The following RDH10 variants were observed in gnomAD, a reference collection of about 807,000 sequenced individuals.
RDH10 encodes the protein retinol dehydrogenase 10 (all-trans).
Under a neutral mutation model 30.2 loss-of-function variants are expected in RDH10, and 12 were observed. The observed-to-expected ratio is 0.40, with a 90% CI of 0.25 to 0.64. The LOEUF (loss-of-function observed/expected upper bound fraction) is 0.64. Ranked by LOEUF, RDH10 falls within the 30% of genes least tolerant of loss-of-function variation. The pLI is 0.43. For missense variants in RDH10, 268 were observed against 445.2 expected (o/e 0.60, Z 3.58); for synonymous variants, 189 against 172.2 (o/e 1.10, Z -0.76).
chr8:73,297,141 T>A, intron 1 of RDH10, 53 bp from the exon 2 acceptor site: 1 of 1,041,064 alleles, frequency 9.6e-7, no homozygotes, highest in Non-Finnish European at 1.5e-6. Context: ...ACTCACTTTC[T>A]GCACTTCCTT....
intron 5 of RDH10, 48 bp downstream of exon 5, chr8:73,322,858 C>A (rs1181233051): frequency 3.1e-6 from 5 of 1,613,790 alleles, no homozygotes; most frequent in South Asian, 1.1e-5. Context: ...CATGCCTGCC[C>A]GATGTCTTAA....
In RDH10 at chr8:73,294,753, C is replaced by G. The variant is rs1814220403; in HGVS notation, c.-537C>G. 3 of 364,886 alleles carry G rather than the reference C, an allele frequency of 8.2e-6. No individual in the cohort carries two copies. Among genetic ancestry groups the G allele is most frequent in the Admixed American group, 4.6e-5 (1 of 21,592 alleles). 22.6% of individuals were successfully genotyped at this position (364,886 alleles called of 1,614,324 possible). On this transcript the variant is annotated 5_prime_UTR_variant, in exon 1 of 6. Coordinates refer to ENST00000240285, the MANE Select transcript of RDH10 (RefSeq NM_172037.5). Reference sequence around the variant, plus strand: ...CAGCGCTTGCCTGCGCCGAGCGAGTCTCCCCTTCCCGGCGCTCCGCCGCCC... The same window carrying G: ...CAGCGCTTGCCTGCGCCGAGCGAGTGTCCCCTTCCCGGCGCTCCGCCGCCC...
chr8:73,320,451 G>T (rs1367490357), intron 3 of RDH10, among the ~76,000 whole-genome samples: 17 of 122,908 alleles, frequency 1.4e-4, no homozygotes, highest in African/African-American at 2.9e-4. Flanking sequence ...TTTTTTTTTT[G>T]TTTTTGTTTT....
chr8:73,304,439 C>T lies in RDH10; in HGVS notation c.525+7010C>T, dbSNP rs527953404. On this transcript the variant is annotated intron_variant, in intron 2 of 5. Coordinates refer to ENST00000240285, the MANE Select transcript of RDH10 (RefSeq NM_172037.5). The stretch of plus-strand genomic sequence containing the variant: ...GCCTCTGATCTTCTTTTCCTGTATT[C>T]GCTTTTGGCTTTCCAACCTAGGGTC... Among the ~76,000 whole-genome samples the T allele has an allele frequency of 2.4e-4, 36 of 152,256 alleles. No homozygotes were observed. In the South Asian group the frequency reaches 6.4e-3, roughly 27 times the overall value.
At chr8:73,305,918 T>C (rs940796280) in intron 2 of RDH10, among the ~76,000 whole-genome samples, 2 of 152,232 alleles carry the variant, frequency 1.3e-5, no homozygotes, top group Non-Finnish European at 2.9e-5. Flanking sequence ...GATTAAAATA[T>C]GTTAATCTTT....
At position 73,322,786 on chromosome 8, in the gene RDH10, T is replaced by C. The variant is rs1350655030; in HGVS notation, c.878T>C (p.Met293Thr). The change falls in exon 5 of 6, where the codon ATG becomes ACG. Residue 293 changes from methionine to threonine, a missense_variant. By Grantham distance (81) the Met-to-Thr change is moderately conservative. Around this residue, in one of 4 missense-constraint regions of RDH10, gnomAD observed 136 missense variants for 288.8 expected, o/e 0.47. Transcript: ENST00000240285. ...DQPMICTPRL[M>T]YIVTFMKSIL... Reference sequence around the variant, plus strand: ...CCCATGATCTGCACTCCCCGCCTCATGTACATCGTGACCTTCATGAAGAGG... The same window carrying C: ...CCCATGATCTGCACTCCCCGCCTCACGTACATCGTGACCTTCATGAAGAGG... The C allele has an allele frequency of 1.2e-6, 2 of 1,614,208 alleles. No homozygotes were observed. Among genetic ancestry groups the C allele is most frequent in the South Asian group, 2.2e-5 (2 of 91,088 alleles).
chr8:73,321,149 C>G (rs569988427), intron 4 of RDH10, 72 bp downstream of exon 4: 349 of 1,279,698 alleles, frequency 2.7e-4, no homozygotes, highest in Non-Finnish European at 3.4e-4. Flanking sequence ...GACTTTCAAA[C>G]ATAACCTTGT....
At chr8:73,320,361 A>T (rs1814743984) in intron 3 of RDH10, among the ~76,000 whole-genome samples, 1 of 152,136 alleles carries the variant, frequency 6.6e-6, no homozygotes, top group South Asian at 2.1e-4. Flanking sequence ...AGTTGATGTG[A>T]CAAAAAGTAT....
chr8:73,304,671 C>A (rs1814438114), intron 2 of RDH10, among the ~76,000 whole-genome samples: 1 of 152,156 alleles, frequency 6.6e-6, no homozygotes, highest in Non-Finnish European at 1.5e-5. Flanking sequence ...CTGGAGAGAG[C>A]CTTGCACACA....
In RDH10 at chr8:73,322,750, T is replaced by TCACTGACCAGCCCATGATCTG. The variant is rs1814792551; in HGVS notation, c.847_867dup (p.Asp283_Thr289dup). 6.2e-7 allele frequency: 1 copy of TCACTGACCAGCCCATGATCTG among 1,614,052 alleles called. No homozygotes were observed. The highest frequency in any genetic ancestry group is 1.7e-5 in the Admixed American group (1 of 60,008). ...GTGAAGCAGGCCATGAAGGCCATCC[T>TCACTGACCAGCCCATGATCTG]CACTGACCAGCCCATGATCTGCACT... On this transcript the variant is annotated inframe_insertion, in exon 5 of 6. Coordinates refer to ENST00000240285, the MANE Select transcript of RDH10 (RefSeq NM_172037.5).
chr8:73,318,786 A>G (rs1814717560), intron 2 of RDH10, among the ~76,000 whole-genome samples: 1 of 152,236 alleles, frequency 6.6e-6, no homozygotes, highest in African/African-American at 2.4e-5. Flanking sequence ...TTAAATTAGC[A>G]GATAACTGTC....
At chr8:73,297,704 G>T in intron 2 of RDH10, 1 of 316,088 alleles carries the variant, frequency 3.2e-6, no homozygotes, top group Non-Finnish European at 5.9e-6. Context: ...ATAACACGAA[G>T]GAGCGTAAAA....
At chr8:73,307,734 T>C (rs1051326934) in intron 2 of RDH10, among the ~76,000 whole-genome samples, 2 of 152,204 alleles carry the variant, frequency 1.3e-5, no homozygotes, top group Admixed American at 6.5e-5. Context: ...AGTTCAAAGC[T>C]CCTGGTACAG....
chr8:73,298,763 G>A (rs1361896559), intron 2 of RDH10, among the ~76,000 whole-genome samples: 1 of 152,058 alleles, frequency 6.6e-6, no homozygotes, highest in Non-Finnish European at 1.5e-5. Flanking sequence ...CCTGAGCTCA[G>A]GCAGTCCACC....
chr8:73,302,444 G>C (rs1320225572), intron 2 of RDH10, among the ~76,000 whole-genome samples: 2 of 152,182 alleles, frequency 1.3e-5, no homozygotes, highest in Non-Finnish European at 2.9e-5. Flanking sequence ...CCAACACTTT[G>C]GGAGGCCGAG....
rs1814285831 is a variant in RDH10, at chr8:73,297,345, T to C, written c.441T>C (p.Gly147=). 6.2e-7 allele frequency: 1 copy of C among 1,614,060 alleles called. No homozygotes were observed. Among genetic ancestry groups the C allele is most frequent in the Admixed American group, 1.7e-5 (1 of 60,008 alleles). The change falls in exon 2 of 6, where the codon GGT becomes GGC. Residue 147 remains glycine (G), a synonymous_variant. Coordinates refer to ENST00000240285, the MANE Select transcript of RDH10 (RefSeq NM_172037.5). Reference sequence around the variant, plus strand: ...TCTCAGTCCTGGTCAATAATGCTGGTGTGGTCTCTGGGCATCACCTTCTGG... The same window carrying C: ...TCTCAGTCCTGGTCAATAATGCTGGCGTGGTCTCTGGGCATCACCTTCTGG... ...GEVSVLVNNA[G]VVSGHHLLEC...
chr8:73,297,607 GC>G (rs1814291042), intron 2 of RDH10, 178 bp downstream of exon 2: 3 of 478,840 alleles, frequency 6.3e-6, no homozygotes, highest in Non-Finnish European at 1.1e-5. Flanking sequence ...TTTTGTCCCC[GC>G]CCACCCCCCC....
At chr8:73,297,130 G>T in intron 1 of RDH10, 64 bp from the exon 2 acceptor site, 1 of 919,476 alleles carries the variant, frequency 1.1e-6, no homozygotes, top group South Asian at 1.4e-5. Flanking sequence ...ATCGCCATGT[G>T]ACTCACTTTC....
intron 2 of RDH10, among the ~76,000 whole-genome samples, chr8:73,298,775 A>G (rs1159034689): frequency 6.6e-6 from 1 of 151,906 alleles, no homozygotes; most frequent in Non-Finnish European, 1.5e-5. Context: ...CAGTCCACCC[A>G]CCTCAGCCCC....
Sources: gnomAD v4.1 joint callset for allele counts (sites outside exome capture counted in the v4.1 genomes callset) on GRCh38, gnomAD v4.1.1 for gene constraint, gnomAD v4.1.1 regional missense constraint, MANE v1.5 for transcripts, NCBI Gene and HGNC (gene_info 2026-07-23, HGNC 2026-07-21) for gene names.